Variants in MYRIP observed in about 807,000 individuals in gnomAD.
MYRIP encodes rab effector MyRIP.
In MYRIP, 49 loss-of-function variants were observed where a neutral mutation model predicts 98.0. That is an observed-to-expected ratio of 0.50 (90% CI 0.40 to 0.63). MYRIP has a LOEUF of 0.63. MYRIP is among the 30% of genes least tolerant of loss of function. The probability of loss-of-function intolerance (pLI) is 0.00; values close to 1 mark genes in which losing one functional copy is unlikely to be tolerated. For missense variants in MYRIP, 1,004 were observed against 1,058.2 expected (o/e 0.95, Z 0.71); for synonymous variants, 404 against 409.5 (o/e 0.99, Z 0.16).
intron 3 of MYRIP, among the ~76,000 whole-genome samples, chr3:40,060,300 C>T (rs2125847504): frequency 6.6e-6 from 1 of 152,236 alleles, no homozygotes; most frequent in East Asian, 1.9e-4. Context: ...TGCCTTTACT[C>T]TATCATTTTT....
chr3:40,058,875 C>T (rs1432303220), intron 3 of MYRIP, among the ~76,000 whole-genome samples: 1 of 152,064 alleles, frequency 6.6e-6, no homozygotes, highest in African/African-American at 2.4e-5. Flanking sequence ...TGGTGGTTTG[C>T]TGCACCCATC....
chr3:39,857,880 G>A (rs1942352043), intron 1 of MYRIP, among the ~76,000 whole-genome samples: 1 of 152,074 alleles, frequency 6.6e-6, no homozygotes, highest in Non-Finnish European at 1.5e-5. Context: ...GGAAAAACCT[G>A]TAGAAGATAC....
intron 3 of MYRIP, among the ~76,000 whole-genome samples, chr3:40,137,210 T>C (rs1223576484): frequency 6.6e-6 from 1 of 152,136 alleles, no homozygotes; most frequent in Non-Finnish European, 1.5e-5. Flanking sequence ...ATATCAACAC[T>C]GATCCCACAG....
intron 12 of MYRIP, among the ~76,000 whole-genome samples, chr3:40,240,622 C>T (rs1210385999): frequency 2.6e-5 from 4 of 152,200 alleles, no homozygotes; most frequent in African/African-American, 9.6e-5. Context: ...TGAGAATTAT[C>T]TTGTCTCTCA....
intron 1 of MYRIP, among the ~76,000 whole-genome samples, chr3:39,846,284 C>T (rs1941963286): frequency 6.6e-6 from 1 of 152,146 alleles, no homozygotes; most frequent in Non-Finnish European, 1.5e-5. Flanking sequence ...TTCCTTTAAT[C>T]TTAGTTCATT....
At chr3:40,042,886 A>G (rs954837438) in intron 2 of MYRIP, among the ~76,000 whole-genome samples, 5 of 152,206 alleles carry the variant, frequency 3.3e-5, no homozygotes, top group African/African-American at 1.2e-4. Flanking sequence ...AAACATGCCC[A>G]GAACACTTAC....
chr3:39,973,934 C>T (rs1945671694), intron 2 of MYRIP, among the ~76,000 whole-genome samples: 1 of 152,020 alleles, frequency 6.6e-6, no homozygotes, highest in Non-Finnish European at 1.5e-5. Context: ...ACTAAATGCC[C>T]ACAAGAGAAA....
At chr3:39,815,626 G>A (rs1358271522) in intron 1 of MYRIP, among the ~76,000 whole-genome samples, 1 of 152,032 alleles carries the variant, frequency 6.6e-6, no homozygotes, top group Admixed American at 6.6e-5. Context: ...TGGATATTCT[G>A]TAGAAAGCCA....
intron 3 of MYRIP, among the ~76,000 whole-genome samples, chr3:40,112,165 G>A (rs1399952017): frequency 2.0e-5 from 3 of 151,526 alleles, no homozygotes; most frequent in Admixed American, 1.3e-4. Flanking sequence ...AATACAGGAG[G>A]GACTTTAGTG....
intron 1 of MYRIP, among the ~76,000 whole-genome samples, chr3:39,876,224 C>G (rs1314780975): frequency 6.6e-6 from 1 of 152,024 alleles, no homozygotes; most frequent in Non-Finnish European, 1.5e-5. Flanking sequence ...TTATTTTGAA[C>G]CTATGTGTGT....
intron 1 of MYRIP, among the ~76,000 whole-genome samples, chr3:39,857,077 G>A (rs1366289979): frequency 6.6e-6 from 1 of 152,020 alleles, no homozygotes; most frequent in African/African-American, 2.4e-5. Context: ...TCCAGGCATG[G>A]TGGTGTATGC....
rs542464152 is a variant in MYRIP at position 40,088,077 on chromosome 3, C to T, written c.332+43806C>T. On this transcript the variant is annotated intron_variant, in intron 3 of 16. Transcript: ENST00000302541. ...GTGGGCAGCCATGAAGAACAAGACC[C>T]AGGCCAAGGGCTGGTTGACCTGGGA... Among the ~76,000 whole-genome samples the T allele has an allele frequency of 3.1e-4, 47 of 152,240 alleles. No individual in the cohort carries two copies. The Middle Eastern group carries it at 0.01, about 33-fold the overall frequency.
chr3:39,958,674 CA>C (rs1407653286), intron 2 of MYRIP, among the ~76,000 whole-genome samples: 2 of 152,150 alleles, frequency 1.3e-5, no homozygotes, highest in Non-Finnish European at 2.9e-5. Flanking sequence ...CCAAAATTGA[CA>C]AATGGGATCT....
intron 2 of MYRIP, among the ~76,000 whole-genome samples, chr3:40,034,136 C>A (rs1031015680): frequency 2.0e-5 from 3 of 151,956 alleles, no homozygotes; most frequent in African/African-American, 7.2e-5. Flanking sequence ...AAAACCTAGG[C>A]ATTACTATTC....
At chr3:40,094,408 C>T (rs565695546) in intron 3 of MYRIP, among the ~76,000 whole-genome samples, 7 of 152,354 alleles carry the variant, frequency 4.6e-5, no homozygotes, top group Non-Finnish European at 7.3e-5. Flanking sequence ...GGCACCTCCA[C>T]GCCCTAACTC....
At chr3:40,084,138 A>C (rs1948548042) in intron 3 of MYRIP, among the ~76,000 whole-genome samples, 1 of 5,392 alleles carries the variant, frequency 1.9e-4, no homozygotes, top group Non-Finnish European at 7.4e-4. Context: ...CTCCATCTCA[A>C]AAAAAAAAAA....
chr3:40,086,894 G>A (rs550016557), intron 3 of MYRIP, among the ~76,000 whole-genome samples: 10 of 152,114 alleles, frequency 6.6e-5, no homozygotes, highest in African/African-American at 1.7e-4. Flanking sequence ...AGCGGTTCTC[G>A]GGGTGGGCAC....
At chr3:40,118,244 TG>T (rs1166244793) in intron 3 of MYRIP, among the ~76,000 whole-genome samples, 2 of 152,218 alleles carry the variant, frequency 1.3e-5, no homozygotes, top group Non-Finnish European at 2.9e-5. Flanking sequence ...GCTAATATGT[TG>T]CCACAAGACT....
At chr3:40,121,667 C>T (rs903661835) in intron 3 of MYRIP, among the ~76,000 whole-genome samples, 5 of 152,158 alleles carry the variant, frequency 3.3e-5, no homozygotes, top group African/African-American at 1.2e-4. Context: ...CCAGCACTGC[C>T]CTGTCAGGGA....
Sources: gnomAD v4.1 joint callset for allele counts (sites outside exome capture counted in the v4.1 genomes callset) on GRCh38, gnomAD v4.1.1 for gene constraint, MANE v1.5 for transcripts, NCBI Gene and HGNC (gene_info 2026-07-23, HGNC 2026-07-21) for gene names.